Variants in ANGEL2 observed in about 807,000 individuals in gnomAD.
ANGEL2 encodes RNA 2',3'-cyclic phosphatase ANGEL2.
A neutral mutation model predicts 66.0 loss-of-function variants in ANGEL2; 41 were observed. The observed-to-expected ratio is 0.62, with a 90% CI of 0.48 to 0.81. The LOEUF (loss-of-function observed/expected upper bound fraction) is 0.81, where lower values mean the gene tolerates loss of function less well. ANGEL2 is among the 30% of genes least tolerant of loss of function. The probability of loss-of-function intolerance (pLI) is 0.00; values close to 1 mark genes in which losing one functional copy is unlikely to be tolerated. For synonymous variants in ANGEL2, 208 were observed against 226.5 expected, an observed-to-expected ratio of 0.92 and a Z score of 0.73; for missense variants, 561 against 641.6, an observed-to-expected ratio of 0.87 and a Z score of 1.36.
rs1022723465 is a variant in ANGEL2 at position 213,015,718 on chromosome 1, C to T, written c.-47G>A. On this transcript the variant is annotated 5_prime_UTR_variant, in exon 1 of 9. Transcript: ENST00000366962. Reference sequence around the variant, plus strand: ...AGTTCCCAGGCCCCGGGTTCCACCTCAATCTCTATAATCGATGCGACGGCC... The same window carrying T: ...AGTTCCCAGGCCCCGGGTTCCACCTTAATCTCTATAATCGATGCGACGGCC... The T allele has an allele frequency of 3.7e-5, 59 of 1,613,422 alleles. No individual in the cohort carries two copies. The highest frequency in any genetic ancestry group is 4.9e-5 in the Non-Finnish European group (58 of 1,179,528).
chr1:212,994,877 T>G lies in ANGEL2; in HGVS notation c.*164A>C. ...AATATTTTTCATTATTAAAAAAAATTGTTATAAAGTTATTTCTTCTGATAT... is the reference window on the plus strand; with the variant it reads ...AATATTTTTCATTATTAAAAAAAATGGTTATAAAGTTATTTCTTCTGATAT... On this transcript the variant is annotated 3_prime_UTR_variant, in exon 9 of 9. Transcript: ENST00000366962. 1.9e-6 allele frequency: 1 copy of G among 512,996 alleles called. No individual in the cohort carries two copies. The highest frequency in any genetic ancestry group is 3.0e-6 in the Non-Finnish European group (1 of 330,158). 31.8% of individuals were successfully genotyped at this position (512,996 alleles called of 1,614,324 possible).
rs2075886308 is a variant in ANGEL2 at position 212,992,619 on chromosome 1, C to T, written c.*2422G>A. ...AAGCTCACATTGACTTTTTGGCCTC[C>T]AGTCCACAAAATAATACTTCATTTG... On this transcript the variant is annotated 3_prime_UTR_variant, in exon 9 of 9. Coordinates refer to ENST00000366962, the MANE Select transcript of ANGEL2 (RefSeq NM_144567.5). 1 of 152,162 alleles carries T rather than the reference C, an allele frequency of 6.6e-6. No individual in the cohort carries two copies. Among genetic ancestry groups the T allele is most frequent in the Non-Finnish European group, 1.5e-5 (1 of 68,032 alleles). 9.4% of individuals were successfully genotyped at this position (152,162 alleles called of 1,614,324 possible). A position where few individuals can be genotyped will look rare whatever the true frequency, so the allele number is the denominator to read the frequency against.
At chr1:213,012,523 G>C (rs2076534306) in intron 2 of ANGEL2, among the ~76,000 whole-genome samples, 1 of 152,108 alleles carries the variant, frequency 6.6e-6, no homozygotes, top group Non-Finnish European at 1.5e-5. Flanking sequence ...ATAAGATGTG[G>C]TTCCCTTTCT....
chr1:213,004,450 T>C (rs2076261635), intron 5 of ANGEL2, among the ~76,000 whole-genome samples: 1 of 152,158 alleles, frequency 6.6e-6, no homozygotes. Context: ...CACCTTGTGT[T>C]ACTTATCGGT....
At chr1:213,002,228 G>GA (rs2076197085) in intron 5 of ANGEL2, 1 of 152,210 alleles carries the variant, frequency 6.6e-6, no homozygotes, top group Non-Finnish European at 1.5e-5. Context: ...TAGCAGGGAT[G>GA]AAAAAACATT....
chr1:213,010,700 G>A (rs2076483261), intron 2 of ANGEL2, among the ~76,000 whole-genome samples: 1 of 152,096 alleles, frequency 6.6e-6, no homozygotes, highest in African/African-American at 2.4e-5. Context: ...TTCCAGTCAT[G>A]CAAACAATAT....
At chr1:213,008,885 A>G (rs571009771) in intron 2 of ANGEL2, among the ~76,000 whole-genome samples, 2 of 152,366 alleles carry the variant, frequency 1.3e-5, no homozygotes, top group African/African-American at 4.8e-5. Context: ...ACTGTATTTT[A>G]TTCCCTATTA....
At chr1:213,011,835 G>A (rs1466855524) in intron 2 of ANGEL2, among the ~76,000 whole-genome samples, 1 of 152,180 alleles carries the variant, frequency 6.6e-6, no homozygotes, top group Non-Finnish European at 1.5e-5. Flanking sequence ...TGACCTGATG[G>A]ACAAATTTTT....
At chr1:213,003,571 A>C (rs2076236663) in intron 5 of ANGEL2, among the ~76,000 whole-genome samples, 1 of 152,218 alleles carries the variant, frequency 6.6e-6, no homozygotes, top group Non-Finnish European at 1.5e-5. Context: ...TGGAGCAGTC[A>C]GAACACATTT....
intron 8 of ANGEL2, among the ~76,000 whole-genome samples, chr1:212,995,981 T>A (rs1289731434): frequency 6.6e-6 from 1 of 152,248 alleles, no homozygotes; most frequent in Non-Finnish European, 1.5e-5. Context: ...CTGCATTTTC[T>A]TCTCCACTTT....
At chr1:212,997,064 A>G in intron 8 of ANGEL2, 91 bp downstream of exon 8, 1 of 1,183,050 alleles carries the variant, frequency 8.5e-7, no homozygotes, top group Non-Finnish European at 1.2e-6. Flanking sequence ...TAGAACTTCA[A>G]CTGGATGTTT....
chr1:212,995,714 ACTATAAAT>A (rs1448774892), intron 8 of ANGEL2, among the ~76,000 whole-genome samples: 1 of 152,204 alleles, frequency 6.6e-6, no homozygotes. Flanking sequence ...CGAAAACCTT[ACTATAAAT>A]TCAAAGCAGC....
In ANGEL2 at chr1:212,996,571, G is replaced by A. The variant is rs1030471066; in HGVS notation, c.1483+584C>T. Among the ~76,000 whole-genome samples the A allele has an allele frequency of 3.0e-5, 4 of 133,512 alleles. No homozygotes were observed. The East Asian group carries it at 6.7e-4, about 22-fold the overall frequency. 87.6% of individuals were successfully genotyped at this position (133,512 alleles called of 152,430 possible). Reference sequence around the variant, plus strand: ...CGGGAGACAGAGGTTGCAGTAAGCCGAGAATCATGCCACTGCACTCTAGCC... The same window carrying A: ...CGGGAGACAGAGGTTGCAGTAAGCCAAGAATCATGCCACTGCACTCTAGCC... On this transcript the variant is annotated intron_variant, in intron 8 of 8. Coordinates refer to ENST00000366962, the MANE Select transcript of ANGEL2 (RefSeq NM_144567.5).
rs573786494 is a variant in ANGEL2, at chr1:213,010,132, C to A, written c.386-1666G>T. 3.9e-5 allele frequency among the ~76,000 whole-genome samples: 6 copies of A among 151,924 alleles called. No individual in the cohort carries two copies. The South Asian group carries it at 1.2e-3, about 32-fold the overall frequency. ...CAACTATGAAGAATTTTGCCTAGAG[C>A]CTATCCTATGCCCAGGAAAGGAAAC... is the stretch of plus-strand genomic sequence containing the variant. On this transcript the variant is annotated intron_variant, in intron 2 of 8. Coordinates refer to ENST00000366962, the MANE Select transcript of ANGEL2 (RefSeq NM_144567.5).
Position 213,000,318 on chromosome 1 carries a change from G to C in ANGEL2, c.1319+8C>G. On this transcript the variant is annotated splice_region_variant and intron_variant, in intron 7 of 8. Coordinates refer to ENST00000366962, the MANE Select transcript of ANGEL2 (RefSeq NM_144567.5). The stretch of plus-strand genomic sequence containing the variant: ...AGCAAATGTCTCCTTTTGCTTTCCA[G>C]AACTCACTTTTCAGCTGTCACTAGG... The C allele has an allele frequency of 6.2e-7, 1 of 1,611,656 alleles. No individual in the cohort carries two copies. Among genetic ancestry groups the C allele is most frequent in the Non-Finnish European group, 8.5e-7 (1 of 1,177,958 alleles).
chr1:213,013,915 TATA>T (rs1374088619), intron 1 of ANGEL2, among the ~76,000 whole-genome samples: 1 of 152,186 alleles, frequency 6.6e-6, no homozygotes, highest in African/African-American at 2.4e-5. Context: ...CAAACACTTG[TATA>T]GTTAGGAAAA....
intron 1 of ANGEL2, among the ~76,000 whole-genome samples, chr1:213,014,355 T>C (rs1487796097): frequency 6.6e-6 from 1 of 152,242 alleles, no homozygotes; most frequent in African/African-American, 2.4e-5. Flanking sequence ...GCGTTTACTG[T>C]TATTTAACTT....
Position 212,994,983 on chromosome 1 carries a change from T to C in ANGEL2, c.*58A>G. The C allele has an allele frequency of 1.3e-6, 2 of 1,515,190 alleles. No individual in the cohort carries two copies. The highest frequency in any genetic ancestry group is 2.7e-5 in the South Asian group (2 of 75,162). 93.9% of individuals were successfully genotyped at this position (1,515,190 alleles called of 1,614,324 possible). On this transcript the variant is annotated 3_prime_UTR_variant, in exon 9 of 9. Transcript: ENST00000366962. ...ACAACATGCATACACTTAAGAACTT[T>C]ACATTCTTTGAAAAACAATACAAAT...
In ANGEL2 at chr1:212,996,164, G is replaced by A. The variant is rs369674197; in HGVS notation, c.1484-972C>T. Among the ~76,000 whole-genome samples, 115 of 152,156 alleles carry A rather than the reference G, an allele frequency of 7.6e-4. 1 individual carries two copies. The South Asian group carries it at 0.022, about 29-fold the overall frequency. On this transcript the variant is annotated intron_variant, in intron 8 of 8. Coordinates refer to ENST00000366962, the MANE Select transcript of ANGEL2 (RefSeq NM_144567.5). ...CTACTAAAAATACAAAAAATTAGCCGGGCATGGTGGCGGGCGCCTGTAGTC... is the reference window on the plus strand; with the variant it reads ...CTACTAAAAATACAAAAAATTAGCCAGGCATGGTGGCGGGCGCCTGTAGTC...
Sources: gnomAD v4.1 joint callset for allele counts (sites outside exome capture counted in the v4.1 genomes callset) on GRCh38, gnomAD v4.1.1 for gene constraint, MANE v1.5 for transcripts, NCBI Gene and HGNC (gene_info 2026-07-23, HGNC 2026-07-21) for gene names.